SCAF1: variants seen among roughly 807,000 people sequenced by gnomAD.
SCAF1 encodes splicing factor, arginine/serine-rich 19.
In SCAF1, 28 loss-of-function variants were observed where a neutral mutation model predicts 91.2. That is an observed-to-expected ratio of 0.31 (90% CI 0.23 to 0.42). The LOEUF is 0.42. Among genes scored for constraint, SCAF1 ranks in the 10% least tolerant of loss-of-function variants. The pLI, the probability that SCAF1 is intolerant of heterozygous loss-of-function variation, is 1.00. For synonymous variants in SCAF1, 1,036 were observed against 833.7 expected, an observed-to-expected ratio of 1.24 and a Z score of -4.18; for missense variants, 1,893 against 1,872.1, an observed-to-expected ratio of 1.01 and a Z score of -0.21.
Position 49,645,035 on chromosome 19 carries a change from A to G in SCAF1, c.9A>G (p.Glu3=), listed in dbSNP as rs1177301574. The change falls in exon 2 of 11, where the codon GAA becomes GAG. Residue 3 remains glutamate (E), a synonymous_variant. Transcript: ENST00000360565. This position sits in a 1 kb window ranked among gnomAD's most constrained non-coding sequence, Gnocchi z 4.6. ...TGGACCCCCAGGTGACCATGGAGGA[A>G]GAAGATGAGTCTCGAGGGAAGACAG... ME[E]EDESRGKTEE... The G allele has an allele frequency of 6.2e-7, 1 of 1,613,804 alleles. No individual in the cohort carries two copies. The highest frequency in any genetic ancestry group is 1.1e-5 in the South Asian group (1 of 91,078).
rs1158627724 is a variant in SCAF1, at chr19:49,653,414, G to A, written c.3025G>A (p.Glu1009Lys). 3.2e-6 allele frequency: 5 copies of A among 1,548,188 alleles called. No homozygotes were observed. Among genetic ancestry groups the A allele is most frequent in the Admixed American group, 1.9e-5 (1 of 53,300 alleles). ...CKTPEVSFLP[E>K]EATEEAGVRG... ...GACACCTGAGGTCTCCTTCCTGCCC[G>A]AGGAGGCCACTGAGGAGGCTGGGGT... is the stretch of plus-strand genomic sequence containing the variant. Residue 1009 changes from glutamate (E) to lysine (K), a missense_variant, in exon 7 of 11, where the codon GAG (glutamate) becomes AAG (lysine). Around this residue, in one of 5 missense-constraint regions of SCAF1, gnomAD observed 1,436 missense variants for 1,306.8 expected, o/e 1.10. Coordinates refer to ENST00000360565, the MANE Select transcript of SCAF1 (RefSeq NM_021228.3).
intron 1 of SCAF1, 165 bp from the exon 2 acceptor site, chr19:49,644,856 C>T (rs996334193): frequency 4.2e-5 from 25 of 591,070 alleles, no homozygotes; most frequent in Non-Finnish European, 7.2e-5. Context: ...GGGTCCAGCG[C>T]CCACCCAAGC....
At position 49,653,420 on chromosome 19, in the gene SCAF1, G is replaced by A. The variant is rs1359008800; in HGVS notation, c.3031G>A (p.Ala1011Thr). The A allele has an allele frequency of 4.5e-6, 7 of 1,548,926 alleles. No homozygotes were observed. The highest frequency in any genetic ancestry group is 1.2e-5 in the South Asian group (1 of 81,166). Residue 1011 changes from alanine to threonine, a missense_variant, in exon 7 of 11, where the codon GCC becomes ACC. Ala to Thr is a moderately conservative substitution (Grantham distance 58). Around this residue, in one of 5 missense-constraint regions of SCAF1, gnomAD observed 1,436 missense variants for 1,306.8 expected, o/e 1.10. Transcript: ENST00000360565. ...TPEVSFLPEE[A>T]TEEAGVRGGA... ...TGAGGTCTCCTTCCTGCCCGAGGAG[G>A]CCACTGAGGAGGCTGGGGTCCGAGG...
Position 49,646,410 on chromosome 19 carries a change from A to C in SCAF1, c.262-116A>C. On this transcript the variant is annotated intron_variant, in intron 4 of 10. Coordinates refer to ENST00000360565, the MANE Select transcript of SCAF1 (RefSeq NM_021228.3). This position sits in a 1 kb window ranked among gnomAD's most constrained non-coding sequence, Gnocchi z 5.6. ...GTCAGGCTATAGGAATTAGATCCTC[A>C]GTTTTCTTGGGGATCTTAGATGTCT... 1 of 985,468 alleles carries C rather than the reference A, an allele frequency of 1.0e-6. No individual in the cohort carries two copies. The highest frequency in any genetic ancestry group is 1.6e-6 in the Non-Finnish European group (1 of 635,670). 61.0% of individuals were successfully genotyped at this position (985,468 alleles called of 1,614,324 possible).
Position 49,653,711 on chromosome 19 carries a change from T to A in SCAF1, c.3316+6T>A. ...CACCAGCGGCGTCCTGGCCTGTGAG[T>A]GTCCCCTGGGGGAGGGTGGTGCTGG... is the stretch of plus-strand genomic sequence containing the variant. On this transcript the variant is annotated splice_donor_region_variant and intron_variant, in intron 7 of 10. Transcript: ENST00000360565. 11 of 1,540,112 alleles carry A rather than the reference T, an allele frequency of 7.1e-6. No individual in the cohort carries two copies. Among genetic ancestry groups the A allele is most frequent in the Non-Finnish European group, 9.6e-6 (11 of 1,148,474 alleles).
intron 9 of SCAF1, among the ~76,000 whole-genome samples, chr19:49,656,188 C>A (rs969094997): frequency 6.6e-6 from 1 of 152,210 alleles, no homozygotes; most frequent in African/African-American, 2.4e-5. Context: ...CTACAGTGGC[C>A]CTTGCTCTGC....
At chr19:49,654,276 C>A in intron 7 of SCAF1, 73 bp from the exon 8 acceptor site, 1 of 1,284,716 alleles carries the variant, frequency 7.8e-7, no homozygotes. Flanking sequence ...CAGCAGGTGT[C>A]CAGGTGAGGT....
chr19:49,646,711 G>T lies in SCAF1; in HGVS notation c.363-4G>T. 1.2e-6 allele frequency: 2 copies of T among 1,613,930 alleles called. No homozygotes were observed. The highest frequency in any genetic ancestry group is 1.3e-5 in the African/African-American group (1 of 75,032). ...GAGGCTCACCCACCCCTTCCGCCTT[G>T]CAGAAGTGAGGACATGCTGGAGCTG... On this transcript the variant is annotated splice_polypyrimidine_tract_variant and splice_region_variant and intron_variant, in intron 5 of 10. Coordinates refer to ENST00000360565, the MANE Select transcript of SCAF1 (RefSeq NM_021228.3). The surrounding 1 kb of genome is among the most constrained non-coding windows in gnomAD (Gnocchi z 5.6).
chr19:49,644,039 A>G (rs1443477015), intron 1 of SCAF1, among the ~76,000 whole-genome samples: 1 of 152,208 alleles, frequency 6.6e-6, no homozygotes, highest in Non-Finnish European at 1.5e-5. Context: ...GAGGTGCTCT[A>G]AATGTGTGGC....
chr19:49,658,372 C>A lies in SCAF1; in HGVS notation c.3912C>A (p.Gly1304=). ...PKEPGPPDKG[G]PGLPLPPL ...AGCCAGGGCCCCCAGACAAGGGTGGCCCGGGCCTGCCCCTGCCCCCTCTCT... is the reference window on the plus strand; with the variant it reads ...AGCCAGGGCCCCCAGACAAGGGTGGACCGGGCCTGCCCCTGCCCCCTCTCT... Residue 1304 remains glycine (G), a synonymous_variant, in exon 11 of 11, where the codon GGC becomes GGA. Transcript: ENST00000360565. 6.5e-7 allele frequency: 1 copy of A among 1,550,192 alleles called. No individual in the cohort carries two copies. Among genetic ancestry groups the A allele is most frequent in the Non-Finnish European group, 8.7e-7 (1 of 1,150,284 alleles).
rs768305369 is a variant in SCAF1 at position 49,646,072 on chromosome 19, C to T, written c.167-36C>T. The T allele has an allele frequency of 2.5e-6, 4 of 1,578,464 alleles. No homozygotes were observed. The highest frequency in any genetic ancestry group is 1.7e-5 in the Admixed American group (1 of 59,708). On this transcript the variant is annotated intron_variant, in intron 3 of 10. Coordinates refer to ENST00000360565, the MANE Select transcript of SCAF1 (RefSeq NM_021228.3). The surrounding 1 kb of genome is among the most constrained non-coding windows in gnomAD (Gnocchi z 5.6). ...ACCCCGCAAGTCTCTGCAGCAAGTC[C>T]CCTGTGTCCAATCCCCCATGCAAAT...
upstream of SCAF1, among the ~76,000 whole-genome samples, chr19:49,640,837 C>A (rs1171777288): frequency 6.6e-6 from 1 of 152,134 alleles, no homozygotes; most frequent in African/African-American, 2.4e-5. Flanking sequence ...AGTAGGGATG[C>A]CTGGGTCATG....
rs73588404 is a variant in SCAF1 at position 49,646,991 on chromosome 19, A to G, written c.478+161A>G. Among the ~76,000 whole-genome samples, 2 of 152,258 alleles carry G rather than the reference A, an allele frequency of 1.3e-5. No individual in the cohort carries two copies. Among genetic ancestry groups the G allele is most frequent in the Non-Finnish European group, 2.9e-5 (2 of 68,050 alleles). ...AGGCTGTAGGCGCATACAGATGTACATAAAGTAAAAACTGATGTGCTGGGG... is the reference window on the plus strand; with the variant it reads ...AGGCTGTAGGCGCATACAGATGTACGTAAAGTAAAAACTGATGTGCTGGGG... On this transcript the variant is annotated intron_variant, in intron 6 of 10. Coordinates refer to ENST00000360565, the MANE Select transcript of SCAF1 (RefSeq NM_021228.3). This position sits in a 1 kb window ranked among gnomAD's most constrained non-coding sequence, Gnocchi z 5.6.
At position 49,642,363 on chromosome 19, in the gene SCAF1, C is replaced by T. The variant is rs1038091850; in HGVS notation, c.-7+121C>T. On this transcript the variant is annotated intron_variant, in intron 1 of 10. Coordinates refer to ENST00000360565, the MANE Select transcript of SCAF1 (RefSeq NM_021228.3). This position sits in a 1 kb window ranked among gnomAD's most constrained non-coding sequence, Gnocchi z 4.0. ...AAGCCACGGGTCCTAGAGGGCTTCT[C>T]GGGGCGGTCTCGGGCCCGGCAGCTG... 1 of 152,222 alleles carries T rather than the reference C, an allele frequency of 6.6e-6. No homozygotes were observed. 9.4% of individuals were successfully genotyped at this position (152,222 alleles called of 1,614,324 possible).
chr19:49,647,668 G>C (rs1349040364), intron 6 of SCAF1, among the ~76,000 whole-genome samples: 3 of 152,190 alleles, frequency 2.0e-5, no homozygotes, highest in Non-Finnish European at 4.4e-5. Flanking sequence ...GTTTCGCTGT[G>C]TCGCCCAGGC....
At chr19:49,647,341 C>A (rs190191559) in intron 6 of SCAF1, among the ~76,000 whole-genome samples, 55 of 152,370 alleles carry the variant, frequency 3.6e-4, no homozygotes, top group African/African-American at 1.3e-3. Flanking sequence ...AACGCGAACG[C>A]ACATCTCAGT....
chr19:49,653,148 C>T lies in SCAF1; in HGVS notation c.2759C>T (p.Pro920Leu). 1.9e-6 allele frequency: 3 copies of T among 1,606,386 alleles called. No individual in the cohort carries two copies. The highest frequency in any genetic ancestry group is 2.5e-6 in the Non-Finnish European group (3 of 1,176,706). The change falls in exon 7 of 11, where the codon CCA becomes CTA. Residue 920 changes from proline (P) to leucine (L), a missense_variant. By Grantham distance (98) the Pro-to-Leu change is moderately conservative (BLOSUM62 -3). Around this residue, in one of 5 missense-constraint regions of SCAF1, gnomAD observed 1,436 missense variants for 1,306.8 expected, o/e 1.10. Coordinates refer to ENST00000360565, the MANE Select transcript of SCAF1 (RefSeq NM_021228.3). ...KTKGTKGKTK[P>L]SKTRKKVRSG... ...AAGGGGACCAAGGGAAAGACCAAGC[C>T]ATCCAAGACCAGGAAAAAGGTCCGC...
chr19:49,644,435 T>A (rs1813228598), intron 1 of SCAF1, among the ~76,000 whole-genome samples: 1 of 152,244 alleles, frequency 6.6e-6, no homozygotes, highest in South Asian at 2.1e-4. Flanking sequence ...AATGGCATAC[T>A]GGTTTTGCAG....
rs1198196901 is a variant in SCAF1, at chr19:49,646,514, G to A, written c.262-12G>A. On this transcript the variant is annotated splice_polypyrimidine_tract_variant and intron_variant, in intron 4 of 10. Coordinates refer to ENST00000360565, the MANE Select transcript of SCAF1 (RefSeq NM_021228.3). The surrounding 1 kb of genome is among the most constrained non-coding windows in gnomAD (Gnocchi z 5.6). ...ACCAGGGACGGCGTAGAGCCTCTCT[G>A]GCCTCTTCCAGGTGTTGGACATGGC... The A allele has an allele frequency of 5.0e-6, 8 of 1,611,772 alleles. No individual in the cohort carries two copies. The highest frequency in any genetic ancestry group is 1.3e-5 in the African/African-American group (1 of 74,836).
Sources: gnomAD v4.1 joint callset for allele counts (sites outside exome capture counted in the v4.1 genomes callset) on GRCh38, gnomAD v4.1.1 for gene constraint, gnomAD v4.1.1 regional missense constraint, Gnocchi (gnomAD v3.1) non-coding constraint, MANE v1.5 for transcripts, NCBI Gene and HGNC (gene_info 2026-07-23, HGNC 2026-07-21) for gene names.